The following PFKFB3 variants were observed in gnomAD, a reference collection of about 807,000 sequenced individuals.
PFKFB3 encodes 6-phosphofructo-2-kinase/fructose-2,6-bisphosphatase 3.
A neutral mutation model predicts 68.0 loss-of-function variants in PFKFB3; 33 were observed. The ratio of observed to expected loss-of-function variants is 0.49; its 90% CI spans 0.37 to 0.65. The LOEUF (loss-of-function observed/expected upper bound fraction) is 0.65, where lower values mean the gene tolerates loss of function less well. Ranked by LOEUF, PFKFB3 falls within the 30% of genes least tolerant of loss-of-function variation. The pLI, the probability that PFKFB3 is intolerant of heterozygous loss-of-function variation, is 0.00. For synonymous variants in PFKFB3, 315 were observed against 288.2 expected, an observed-to-expected ratio of 1.09 and a Z score of -0.94; for missense variants, 586 against 712.2, an observed-to-expected ratio of 0.82 and a Z score of 2.02.
At chr10:6,190,979 A>C (rs1306312508) in intron 1 of PFKFB3, among the ~76,000 whole-genome samples, 3 of 152,126 alleles carry the variant, frequency 2.0e-5, no homozygotes, top group Non-Finnish European at 2.9e-5. Context: ...GAGTTTCTCC[A>C]TATTGGCCAG....
At chr10:6,271,166 T>G in the PFKFB3 span, among the ~76,000 whole-genome samples, 1 of 152,356 alleles carries the variant, frequency 6.6e-6, no homozygotes, top group South Asian at 2.1e-4. Flanking sequence ...GTGTCTAGCA[T>G]TTAAATGGAT....
chr10:6,163,818 G>A (rs1842038857), intron 1 of PFKFB3: 1 of 151,852 alleles, frequency 6.6e-6, no homozygotes, highest in Admixed American at 6.6e-5. Flanking sequence ...ACGTGCTGTC[G>A]CGCGCCCTCC....
the PFKFB3 span, among the ~76,000 whole-genome samples, chr10:6,271,749 G>A: frequency 6.6e-6 from 1 of 152,210 alleles, no homozygotes; most frequent in Non-Finnish European, 1.5e-5. Context: ...ACCCCAAATA[G>A]CCACAGCGCC....
chr10:6,233,105 C>G lies in PFKFB3; in HGVS notation c.*163C>G, dbSNP rs752489515. ...GAACCATGCTTGGCACCGTCTGTGT[C>G]CCCTCGGCCGCTGGACACCAGAAAG... On this transcript the variant is annotated 3_prime_UTR_variant, in exon 15 of 15. Transcript: ENST00000379775. The G allele has an allele frequency of 1.6e-6, 1 of 627,102 alleles. No individual in the cohort carries two copies. Among genetic ancestry groups the G allele is most frequent in the Non-Finnish European group, 2.8e-6 (1 of 353,422 alleles). The allele number at this position is 627,102 out of a possible 1,614,324, so 38.8% of individuals were successfully genotyped here.
intron 4 of PFKFB3, among the ~76,000 whole-genome samples, 154 bp downstream of exon 4, chr10:6,216,345 G>A (rs1173774032): frequency 6.6e-6 from 1 of 152,178 alleles, no homozygotes; most frequent in Non-Finnish European, 1.5e-5. Context: ...GGAGGATGTG[G>A]GGTGGACTCA....
At chr10:6,223,445 T>C (rs1453497766) in intron 11 of PFKFB3, among the ~76,000 whole-genome samples, 1 of 152,202 alleles carries the variant, frequency 6.6e-6, no homozygotes, top group Non-Finnish European at 1.5e-5. Flanking sequence ...TAAGTCACCG[T>C]GAGGGCGAGT....
chr10:6,205,388 CTTTTTTTT>C (rs3084014), intron 1 of PFKFB3, among the ~76,000 whole-genome samples: 27,023 of 106,652 alleles, frequency 0.25, 2,712 homozygotes, highest in East Asian at 0.37. Flanking sequence ...TTCTTTCTTC[CTTTTTTTT>C]TTTTTTTTTT....
intron 1 of PFKFB3, among the ~76,000 whole-genome samples, chr10:6,174,007 A>G (rs1842386746): frequency 6.6e-6 from 1 of 152,060 alleles, no homozygotes; most frequent in Non-Finnish European, 1.5e-5. Flanking sequence ...GCACGGAAAG[A>G]ACATAGATGA....
At chr10:6,173,721 C>CG (rs371409745) in intron 1 of PFKFB3, among the ~76,000 whole-genome samples, 45 of 151,058 alleles carry the variant, frequency 3.0e-4, no homozygotes, top group African/African-American at 1.0e-3. Context: ...AGATCAGCTG[C>CG]GGGGGTGCAG....
the PFKFB3 span, among the ~76,000 whole-genome samples, chr10:6,291,863 G>A: frequency 4.6e-5 from 7 of 151,538 alleles, no homozygotes; most frequent in East Asian, 1.4e-3. Context: ...TTAAGTGAAG[G>A]TAGTTAAGAT....
intron 1 of PFKFB3, among the ~76,000 whole-genome samples, chr10:6,155,259 G>T (rs1367558138): frequency 6.6e-6 from 1 of 150,606 alleles, no homozygotes; most frequent in East Asian, 2.0e-4. Flanking sequence ...CTGGAGGGCA[G>T]TGGCGCGATC....
At chr10:6,293,955 C>T in the PFKFB3 span, 9 of 502,594 alleles carry the variant, frequency 1.8e-5, no homozygotes, top group East Asian at 1.1e-4. Context: ...TATGGCTTCA[C>T]GAATTTTCCA....
chr10:6,206,056 G>A (rs1021758298), intron 1 of PFKFB3, among the ~76,000 whole-genome samples: 3 of 151,420 alleles, frequency 2.0e-5, no homozygotes, highest in African/African-American at 7.3e-5. Context: ...ATAGTGGAGG[G>A]AAGGTCAGCA....
the PFKFB3 span, among the ~76,000 whole-genome samples, chr10:6,317,257 G>A: frequency 1.3e-5 from 2 of 152,190 alleles, no homozygotes; most frequent in Non-Finnish European, 2.9e-5. Flanking sequence ...AACCATGAGA[G>A]GCAGTGCAGT....
At chr10:6,240,763 C>A (rs908610906) in intron 14 of PFKFB3, among the ~76,000 whole-genome samples, 1 of 152,110 alleles carries the variant, frequency 6.6e-6, no homozygotes. Flanking sequence ...CCACTAATGC[C>A]GTTTTTCTGT....
intron 1 of PFKFB3, among the ~76,000 whole-genome samples, chr10:6,169,559 C>T (rs948619220): frequency 2.6e-5 from 4 of 152,092 alleles, no homozygotes; most frequent in African/African-American, 9.7e-5. Flanking sequence ...GAGGGTTCTC[C>T]TGGGATAAGA....
intron 1 of PFKFB3, among the ~76,000 whole-genome samples, chr10:6,182,956 C>T (rs966604746): frequency 6.6e-6 from 1 of 152,150 alleles, no homozygotes; most frequent in African/African-American, 2.4e-5. Context: ...CACCTGTCGC[C>T]ACAGGTTGAG....
the PFKFB3 span, among the ~76,000 whole-genome samples, chr10:6,289,996 C>A: frequency 6.6e-6 from 1 of 152,144 alleles, no homozygotes; most frequent in Non-Finnish European, 1.5e-5. Flanking sequence ...CATGATTTGG[C>A]TCTCTGTTTG....
chr10:6,189,134 T>C (rs1477521463), intron 1 of PFKFB3, among the ~76,000 whole-genome samples: 8 of 152,154 alleles, frequency 5.3e-5, no homozygotes, highest in East Asian at 3.9e-4. Flanking sequence ...CCACCGCACC[T>C]GGCGATTTCC....
Sources: gnomAD v4.1 joint callset for allele counts (sites outside exome capture counted in the v4.1 genomes callset) on GRCh38, gnomAD v4.1.1 for gene constraint, MANE v1.5 for transcripts, NCBI Gene and HGNC (gene_info 2026-07-23, HGNC 2026-07-21) for gene names.